SCNN1B: variants seen among roughly 807,000 people sequenced by gnomAD.
The protein encoded by SCNN1B is sodium channel epithelial 1 subunit beta.
SCNN1B carries 46 observed loss-of-function variants against 65.3 expected under a neutral mutation model. The observed-to-expected ratio is 0.70, with a 90% CI of 0.56 to 0.90. The LOEUF (loss-of-function observed/expected upper bound fraction) is 0.90. Among genes scored for constraint, SCNN1B ranks in the 40% least tolerant of loss-of-function variants. SCNN1B has a pLI of 0.00. For synonymous variants in SCNN1B, 349 were observed against 330.6 expected, an observed-to-expected ratio of 1.06 and a Z score of -0.60; for missense variants, 751 against 830.5, an observed-to-expected ratio of 0.90 and a Z score of 1.18.
chr16:23,371,273 C>G, intron 5 of SCNN1B, 26 bp from the exon 6 acceptor site: 1 of 1,613,260 alleles, frequency 6.2e-7, no homozygotes, highest in Non-Finnish European at 8.5e-7. Context: ...AAAGTTCAGG[C>G]AGCCCTCACC....
intron 1 of SCNN1B, among the ~76,000 whole-genome samples, chr16:23,327,574 T>C (rs930930611): frequency 1.3e-5 from 2 of 152,154 alleles, no homozygotes; most frequent in Non-Finnish European, 2.9e-5. Flanking sequence ...CCATTTTTCT[T>C]AATGGCTCCC....
chr16:23,299,249 G>A (rs532155587), upstream of SCNN1B, among the ~76,000 whole-genome samples: 2 of 151,620 alleles, frequency 1.3e-5, no homozygotes, highest in Admixed American at 1.3e-4. Flanking sequence ...TAGTAGAGAT[G>A]GGGCTTCACC....
intron 7 of SCNN1B, among the ~76,000 whole-genome samples, chr16:23,374,990 A>C (rs1296355215): frequency 6.6e-6 from 1 of 151,990 alleles, no homozygotes. Flanking sequence ...TGTCCTCAGC[A>C]CCCTGTTTCA....
Position 23,380,990 on chromosome 16 carries a change from T to C in SCNN1B, c.*189T>C, listed in dbSNP as rs1963040649. 2.9e-6 allele frequency: 2 copies of C among 695,654 alleles called. No individual in the cohort carries two copies. The highest frequency in any genetic ancestry group is 3.2e-5 in the South Asian group (2 of 62,576). 43.1% of individuals were successfully genotyped at this position (695,654 alleles called of 1,614,324 possible). On this transcript the variant is annotated 3_prime_UTR_variant, in exon 13 of 13. Coordinates refer to ENST00000343070, the MANE Select transcript of SCNN1B (RefSeq NM_000336.3). The surrounding 1 kb of genome is among the most constrained non-coding windows in gnomAD (Gnocchi z 5.4). ...GGCCAAGGGCTCTGTAGAATCACGGTGCTGGTACAGGATGCAGGAATAAAT... is the reference window on the plus strand; with the variant it reads ...GGCCAAGGGCTCTGTAGAATCACGGCGCTGGTACAGGATGCAGGAATAAAT...
chr16:23,318,430 GA>G (rs1411859124), intron 1 of SCNN1B, among the ~76,000 whole-genome samples: 6 of 152,224 alleles, frequency 3.9e-5, no homozygotes, highest in African/African-American at 1.4e-4. Flanking sequence ...CCAACATAGT[GA>G]AACCCCATCT....
Position 23,353,602 on chromosome 16 carries a change from T to C in SCNN1B, c.585+528T>C, listed in dbSNP as rs147027689. Among the ~76,000 whole-genome samples the C allele has an allele frequency of 3.8e-3, 576 of 152,296 alleles. 7 individuals carry two copies. The highest frequency in any genetic ancestry group is 0.013 in the African/African-American group (553 of 41,574). Reference sequence around the variant, plus strand: ...CTGTGGGCTACAGCAGGGGCTCTCATGATTGGCCAGTCCTGGGCCATGTGC... The same window carrying C: ...CTGTGGGCTACAGCAGGGGCTCTCACGATTGGCCAGTCCTGGGCCATGTGC... On this transcript the variant is annotated intron_variant, in intron 3 of 12. Coordinates refer to ENST00000343070, the MANE Select transcript of SCNN1B (RefSeq NM_000336.3).
intron 1 of SCNN1B, among the ~76,000 whole-genome samples, chr16:23,343,394 G>A (rs1324498992): frequency 2.0e-5 from 3 of 151,522 alleles, no homozygotes; most frequent in Admixed American, 1.3e-4. Flanking sequence ...GGAGGTTGCA[G>A]TGAGCTGAGG....
chr16:23,371,396 C>A lies in SCNN1B; in HGVS notation c.978C>A (p.Tyr326Ter). The A allele has an allele frequency of 1.9e-6, 3 of 1,614,108 alleles. No homozygotes were observed. Among genetic ancestry groups the A allele is most frequent in the Non-Finnish European group, 2.5e-6 (3 of 1,179,974 alleles). ...VRLMLHEQRS[Y>*]PFIRDEGIYA... is the part of the protein sequence containing the mutation. ...TGATGCTTCACGAGCAGAGGTCATA[C>A]CCCTTCATCAGAGATGAGGGCATCT... Residue 326 changes from tyrosine (Y) to a stop codon, truncating the protein, a stop_gained, in exon 6 of 13, where the codon TAC becomes TAA. Coordinates refer to ENST00000343070, the MANE Select transcript of SCNN1B (RefSeq NM_000336.3). LOFTEE classifies it high-confidence loss of function.
At chr16:23,280,273 G>C (rs1224915546) in intron 1 of SCNN1B, among the ~76,000 whole-genome samples, 1 of 151,298 alleles carries the variant, frequency 6.6e-6, no homozygotes, top group Non-Finnish European at 1.5e-5. Flanking sequence ...CACCCAGGCT[G>C]GAGTGCAGTG....
chr16:23,343,108 T>C (rs1463329162), intron 1 of SCNN1B, among the ~76,000 whole-genome samples: 3 of 152,086 alleles, frequency 2.0e-5, no homozygotes, highest in Non-Finnish European at 4.4e-5. Flanking sequence ...ATAGACCTAA[T>C]AAAACTATAA....
At chr16:23,353,150 A>G in intron 3 of SCNN1B, 76 bp downstream of exon 3, 3 of 1,502,326 alleles carry the variant, frequency 2.0e-6, no homozygotes, top group South Asian at 2.3e-5. Context: ...TTCTGTAGTA[A>G]TTTGAGTCTC....
At chr16:23,307,005 A>G (rs563446581) in intron 1 of SCNN1B, among the ~76,000 whole-genome samples, 1 of 152,326 alleles carries the variant, frequency 6.6e-6, no homozygotes, top group Non-Finnish European at 1.5e-5. Flanking sequence ...TCTCTGTTCT[A>G]CAGATGAGTT....
At chr16:23,305,573 T>TAAAAAA (rs1567290443) in intron 1 of SCNN1B, among the ~76,000 whole-genome samples, 3 of 42,634 alleles carry the variant, frequency 7.0e-5, no homozygotes, top group African/African-American at 1.8e-4. Context: ...TATATATATA[T>TAAAAAA]ATATTATATA....
intron 1 of SCNN1B, among the ~76,000 whole-genome samples, chr16:23,330,114 C>CAGA (rs1248955209): frequency 2.6e-5 from 4 of 152,224 alleles, no homozygotes; most frequent in African/African-American, 9.6e-5. Context: ...TGGCTCCAGG[C>CAGA]AGAAGCCCAT....
At chr16:23,324,648 T>G (rs1961654649) in intron 1 of SCNN1B, among the ~76,000 whole-genome samples, 1 of 152,162 alleles carries the variant, frequency 6.6e-6, no homozygotes, top group Non-Finnish European at 1.5e-5. Flanking sequence ...CGCATTTTAT[T>G]CCCAATGGAA....
chr16:23,377,507 TTCTC>T, intron 10 of SCNN1B, 121 bp downstream of exon 10: 2 of 805,448 alleles, frequency 2.5e-6, no homozygotes, highest in East Asian at 2.7e-5. Context: ...CCTTCCTTCC[TTCTC>T]TGTTTCCCTC....
chr16:23,353,378 G>A (rs571172334), intron 3 of SCNN1B: 1 of 446,388 alleles, frequency 2.2e-6, no homozygotes, highest in Non-Finnish European at 4.1e-6. Context: ...ATTCTAATGA[G>A]GTCATCAGGA....
chr16:23,320,421 C>T (rs560684391), intron 1 of SCNN1B, among the ~76,000 whole-genome samples: 26 of 152,286 alleles, frequency 1.7e-4, no homozygotes, highest in African/African-American at 2.2e-4. Flanking sequence ...TGGGGGGCCC[C>T]GCAGTCCACA....
intron 4 of SCNN1B, among the ~76,000 whole-genome samples, chr16:23,357,856 C>T (rs906667004): frequency 3.9e-5 from 6 of 152,216 alleles, no homozygotes; most frequent in African/African-American, 1.4e-4. Context: ...CACCCGCCAA[C>T]CACACCTGCC....
Sources: allele counts gnomAD v4.1 joint callset (sites outside exome capture counted in the v4.1 genomes callset), GRCh38; gene constraint gnomAD v4.1.1; non-coding constraint Gnocchi (gnomAD v3.1); transcripts MANE v1.5; gene names NCBI Gene and HGNC (gene_info 2026-07-23, HGNC 2026-07-21).